Variants in IGF1R observed in about 807,000 individuals in gnomAD.
The protein encoded by IGF1R is insulin like growth factor 1 receptor.
A neutral mutation model predicts 144.6 loss-of-function variants in IGF1R; 44 were observed. The ratio of observed to expected loss-of-function variants is 0.30; its 90% CI spans 0.24 to 0.39. The LOEUF (loss-of-function observed/expected upper bound fraction) is 0.39. Ranked by LOEUF, IGF1R falls within the 10% of genes least tolerant of loss-of-function variation. The pLI, the probability that IGF1R is intolerant of heterozygous loss-of-function variation, is 1.00. For synonymous variants in IGF1R, 795 were observed against 722.8 expected, an observed-to-expected ratio of 1.10 and a Z score of -1.60; for missense variants, 1,355 against 1,833.7, an observed-to-expected ratio of 0.74 and a Z score of 4.77.
At chr15:98,853,448 C>T (rs185375948) in intron 2 of IGF1R, among the ~76,000 whole-genome samples, 1 of 152,270 alleles carries the variant, frequency 6.6e-6, no homozygotes, top group Admixed American at 6.5e-5. Context: ...GCAGGAAGCG[C>T]AGGCAAAATG....
At chr15:98,920,655 G>C (rs1039841022) in intron 10 of IGF1R, among the ~76,000 whole-genome samples, 2 of 152,212 alleles carry the variant, frequency 1.3e-5, no homozygotes, top group African/African-American at 4.8e-5. Flanking sequence ...GATTGTGGAT[G>C]ATCAGCCTCA....
At chr15:98,670,828 C>G (rs2052870186) in intron 1 of IGF1R, among the ~76,000 whole-genome samples, 1 of 152,152 alleles carries the variant, frequency 6.6e-6, no homozygotes, top group Non-Finnish European at 1.5e-5. Context: ...CTTTTCTCCC[C>G]CAATCAACAT....
At position 98,864,573 on chromosome 15, in the gene IGF1R, A is replaced by G. The variant is rs531582438; in HGVS notation, c.641-26752A>G. On this transcript the variant is annotated intron_variant, in intron 2 of 20. Coordinates refer to ENST00000650285, the MANE Select transcript of IGF1R (RefSeq NM_000875.5). The stretch of plus-strand genomic sequence containing the variant: ...CCCAGCTAATTTTTTAATTTTTCGT[A>G]GAGATGGGGTCTGTGTTGCCCAGGT... Among the ~76,000 whole-genome samples, 5 of 152,278 alleles carry G rather than the reference A, an allele frequency of 3.3e-5. No individual in the cohort carries two copies. In the South Asian group the frequency reaches 8.3e-4, roughly 25 times the overall value.
intron 2 of IGF1R, among the ~76,000 whole-genome samples, chr15:98,865,762 C>T (rs2012404735): frequency 6.6e-6 from 1 of 152,230 alleles, no homozygotes; most frequent in Admixed American, 6.5e-5. Flanking sequence ...CAGCACCAGT[C>T]ATGCTGCCTC....
At chr15:98,919,067 A>T (rs2015375630) in intron 10 of IGF1R, among the ~76,000 whole-genome samples, 2 of 152,212 alleles carry the variant, frequency 1.3e-5, no homozygotes, top group Non-Finnish European at 2.9e-5. Flanking sequence ...GTTCCTAGAA[A>T]GCAGAAAGTT....
chr15:98,665,546 C>G (rs191172752), intron 1 of IGF1R, among the ~76,000 whole-genome samples: 1 of 152,142 alleles, frequency 6.6e-6, no homozygotes, highest in Non-Finnish European at 1.5e-5. Flanking sequence ...AGCCTGGTCA[C>G]GAGCATGAGG....
At chr15:98,835,415 A>G (rs1001188075) in intron 2 of IGF1R, among the ~76,000 whole-genome samples, 4 of 152,172 alleles carry the variant, frequency 2.6e-5, no homozygotes, top group African/African-American at 9.7e-5. Flanking sequence ...TTGTTGAGGG[A>G]TGAAGAGGAG....
At chr15:98,712,445 A>G (rs956960362) in intron 2 of IGF1R, among the ~76,000 whole-genome samples, 1 of 151,388 alleles carries the variant, frequency 6.6e-6, no homozygotes, top group African/African-American at 2.4e-5. Flanking sequence ...TGTCCTTTGG[A>G]CACTTCCTTC....
At chr15:98,682,824 G>A (rs1047610169) in intron 1 of IGF1R, among the ~76,000 whole-genome samples, 4 of 152,036 alleles carry the variant, frequency 2.6e-5, no homozygotes, top group African/African-American at 9.7e-5. Context: ...AGGATTACAG[G>A]CATGAGCCAC....
chr15:98,825,166 G>T (rs1433293761), intron 2 of IGF1R, among the ~76,000 whole-genome samples: 1 of 152,078 alleles, frequency 6.6e-6, no homozygotes, highest in Non-Finnish European at 1.5e-5. Context: ...TACAAACTTG[G>T]CATAGCTTAG....
intron 1 of IGF1R, among the ~76,000 whole-genome samples, chr15:98,696,774 G>A (rs776565380): frequency 2.0e-5 from 3 of 152,106 alleles, no homozygotes; most frequent in Non-Finnish European, 1.5e-5. Flanking sequence ...TTTTTTTTGG[G>A]AAGCTAAGAG....
In IGF1R at chr15:98,790,382, C is replaced by G. The variant is rs369305402; in HGVS notation, c.640+82275C>G. Reference sequence around the variant, plus strand: ...GATCATTCCCTTGGTAGGGCAGTGCCAGACCCTGCTTGTGAGCACAGAAAA... The same window carrying G: ...GATCATTCCCTTGGTAGGGCAGTGCGAGACCCTGCTTGTGAGCACAGAAAA... On this transcript the variant is annotated intron_variant, in intron 2 of 20. Coordinates refer to ENST00000650285, the MANE Select transcript of IGF1R (RefSeq NM_000875.5). Among the ~76,000 whole-genome samples, 355 of 152,322 alleles carry G rather than the reference C, an allele frequency of 2.3e-3. 1 individual carries two copies. Among genetic ancestry groups the G allele is most frequent in the African/African-American group, 8.2e-3 (341 of 41,554 alleles).
intron 1 of IGF1R, among the ~76,000 whole-genome samples, chr15:98,697,230 G>C (rs2053614945): frequency 6.6e-6 from 1 of 152,180 alleles, no homozygotes; most frequent in African/African-American, 2.4e-5. Context: ...CTCAAAGTTA[G>C]AAAATCAACG....
chr15:98,834,370 A>G (rs1194961443), intron 2 of IGF1R, among the ~76,000 whole-genome samples: 1 of 152,222 alleles, frequency 6.6e-6, no homozygotes, highest in African/African-American at 2.4e-5. Context: ...TCTTGAGAAA[A>G]TGGAGGTCAT....
chr15:98,821,280 G>GCCCCC (rs1213042017), intron 2 of IGF1R, among the ~76,000 whole-genome samples: 3 of 146,540 alleles, frequency 2.0e-5, no homozygotes, highest in African/African-American at 8.1e-5. Context: ...TTTTAAACAC[G>GCCCCC]CCTCCCCCCC....
At chr15:98,872,599 C>T (rs991275525) in intron 2 of IGF1R, among the ~76,000 whole-genome samples, 1 of 152,194 alleles carries the variant, frequency 6.6e-6, no homozygotes, top group African/African-American at 2.4e-5. Flanking sequence ...CGTGGTTTGC[C>T]ACATTTCATC....
intron 2 of IGF1R, among the ~76,000 whole-genome samples, chr15:98,793,128 GC>G (rs1298146803): frequency 6.6e-6 from 1 of 152,162 alleles, no homozygotes; most frequent in Non-Finnish European, 1.5e-5. Flanking sequence ...AAATTCTCTT[GC>G]CCCGATCATA....
At chr15:98,700,830 C>T (rs73473470) in intron 1 of IGF1R, among the ~76,000 whole-genome samples, 3,577 of 152,162 alleles carry the variant, frequency 0.024, 81 homozygotes, top group South Asian at 0.094. Flanking sequence ...GTCGTCTCTG[C>T]TGAGAAGTCT....
intron 2 of IGF1R, among the ~76,000 whole-genome samples, chr15:98,748,269 G>A (rs2054918176): frequency 6.6e-6 from 1 of 152,044 alleles, no homozygotes; most frequent in African/African-American, 2.4e-5. Context: ...TGGGTTCAAG[G>A]GATCCTCCTT....
Sources: gnomAD v4.1 joint callset for allele counts (sites outside exome capture counted in the v4.1 genomes callset) on GRCh38, gnomAD v4.1.1 for gene constraint, MANE v1.5 for transcripts, NCBI Gene and HGNC (gene_info 2026-07-23, HGNC 2026-07-21) for gene names.